The following PDE11A variants were observed in gnomAD, a reference collection of about 807,000 sequenced individuals.
PDE11A encodes dual 3',5'-cyclic-AMP and -GMP phosphodiesterase 11A.
PDE11A carries 100 observed loss-of-function variants against 100.5 expected under a neutral mutation model. That is an observed-to-expected ratio of 1.00 (90% CI 0.85 to 1.18). The LOEUF is 1.18. PDE11A is among the 50% of genes most tolerant of loss of function. PDE11A has a pLI of 0.00. For missense variants in PDE11A, 1,141 were observed against 1,152.6 expected, an observed-to-expected ratio of 0.99 and a Z score of 0.15; for synonymous variants, 381 against 420.8, an observed-to-expected ratio of 0.91 and a Z score of 1.16.
chr2:177,722,475 T>C (rs1173011838), intron 12 of PDE11A, among the ~76,000 whole-genome samples: 1 of 152,182 alleles, frequency 6.6e-6, no homozygotes, highest in Non-Finnish European at 1.5e-5. Flanking sequence ...TTCTTAATTA[T>C]GTGCAGCTTT....
intron 3 of PDE11A, among the ~76,000 whole-genome samples, chr2:177,900,586 T>C (rs1441744740): frequency 6.6e-6 from 1 of 152,256 alleles, no homozygotes; most frequent in East Asian, 1.9e-4. Flanking sequence ...TGAAACCCTG[T>C]CTCTACTAAA....
intron 1 of PDE11A, among the ~76,000 whole-genome samples, chr2:178,065,863 C>A (rs145745159): frequency 6.6e-6 from 1 of 152,078 alleles, no homozygotes; most frequent in African/African-American, 2.4e-5. Context: ...CCTCCTGAGG[C>A]AAACACTTTC....
At chr2:177,877,419 C>T (rs2084259038) in intron 4 of PDE11A, among the ~76,000 whole-genome samples, 1 of 152,142 alleles carries the variant, frequency 6.6e-6, no homozygotes, top group Admixed American at 6.6e-5. Context: ...CAAGCCTTGG[C>T]TTCCCAAAGT....
intron 2 of PDE11A, among the ~76,000 whole-genome samples, chr2:177,984,860 G>A (rs748130271): frequency 2.3e-4 from 35 of 152,290 alleles, no homozygotes; most frequent in South Asian, 6.2e-4. Context: ...CTCCCAGCTC[G>A]CCTTGTAGAG....
intron 10 of PDE11A, among the ~76,000 whole-genome samples, chr2:177,736,113 G>A (rs2081776285): frequency 6.6e-6 from 1 of 152,208 alleles, no homozygotes; most frequent in African/African-American, 2.4e-5. Context: ...TCGGTTGAGT[G>A]GGGTTCTGGG....
At chr2:177,870,937 C>T (rs181688060) in intron 5 of PDE11A, among the ~76,000 whole-genome samples, 8 of 152,130 alleles carry the variant, frequency 5.3e-5, no homozygotes, top group African/African-American at 1.7e-4. Flanking sequence ...GGAAATAGAA[C>T]CTCTTTTAGT....
chr2:177,720,991 A>G (rs1169217763), intron 12 of PDE11A, among the ~76,000 whole-genome samples: 1 of 152,166 alleles, frequency 6.6e-6, no homozygotes, highest in Non-Finnish European at 1.5e-5. Context: ...AAGGCAACAC[A>G]GTCCAGTACA....
At chr2:178,044,407 AT>A (rs1173584563) in intron 1 of PDE11A, among the ~76,000 whole-genome samples, 3 of 148,416 alleles carry the variant, frequency 2.0e-5, no homozygotes, top group African/African-American at 7.3e-5. Flanking sequence ...GTTTATATAT[AT>A]ATAAACTTTA....
chr2:177,758,148 T>A (rs997255781), intron 10 of PDE11A, among the ~76,000 whole-genome samples: 3 of 146,002 alleles, frequency 2.1e-5, no homozygotes, highest in Admixed American at 6.8e-5. Flanking sequence ...AAAAAAAAAA[T>A]TAGCCAGGCA....
At chr2:177,658,741 T>C (rs1156502159) in intron 19 of PDE11A, among the ~76,000 whole-genome samples, 9 of 150,758 alleles carry the variant, frequency 6.0e-5, no homozygotes, top group Non-Finnish European at 1.2e-4. Context: ...TTTTAATATC[T>C]GATGAAGTTG....
chr2:178,083,994 T>C (rs369757496), intron 2 of PDE11A, among the ~76,000 whole-genome samples: 31 of 152,340 alleles, frequency 2.0e-4, no homozygotes, highest in African/African-American at 7.5e-4. Context: ...CCAATAGCTA[T>C]ATAGATACGT....
chr2:177,675,387 G>A, intron 17 of PDE11A, 68 bp downstream of exon 17: 1 of 1,098,202 alleles, frequency 9.1e-7, no homozygotes, highest in Non-Finnish European at 1.4e-6. Flanking sequence ...AGGGCTCTGG[G>A]AATATTGTGT....
chr2:177,800,554 G>A (rs1436918249), intron 9 of PDE11A, among the ~76,000 whole-genome samples: 1 of 152,126 alleles, frequency 6.6e-6, no homozygotes, highest in Non-Finnish European at 1.5e-5. Context: ...GTATGCTGAG[G>A]ATTGAGATTC....
chr2:177,660,202 C>A (rs1370737838), intron 19 of PDE11A, among the ~76,000 whole-genome samples: 1 of 151,296 alleles, frequency 6.6e-6, no homozygotes, highest in Non-Finnish European at 1.5e-5. Context: ...AAGGAAAAGT[C>A]TGAAGATTAA....
At chr2:177,936,964 A>G (rs1357027449) in intron 2 of PDE11A, among the ~76,000 whole-genome samples, 1 of 152,098 alleles carries the variant, frequency 6.6e-6, no homozygotes, top group African/African-American at 2.4e-5. Context: ...AAATATTTAT[A>G]TTTTAATATC....
intron 9 of PDE11A, among the ~76,000 whole-genome samples, chr2:177,772,710 A>AT (rs1458811689): frequency 7.6e-6 from 1 of 131,090 alleles, no homozygotes; most frequent in Non-Finnish European, 1.6e-5. Flanking sequence ...CACTTCCTTT[A>AT]TTTAAAAAAA....
upstream of PDE11A, among the ~76,000 whole-genome samples, chr2:178,075,550 T>TAAAAAA (rs1425338464): frequency 2.8e-5 from 1 of 35,758 alleles, no homozygotes; most frequent in African/African-American, 1.3e-4. Flanking sequence ...AGACTCTGTC[T>TAAAAAA]CAAAAAAAAA....
chr2:177,654,040 A>C (rs1392886815), intron 19 of PDE11A, among the ~76,000 whole-genome samples: 3 of 152,336 alleles, frequency 2.0e-5, no homozygotes, highest in East Asian at 3.9e-4. Flanking sequence ...CAGAGTGTAT[A>C]TCTTTCTTTG....
chr2:178,098,513 C>T (rs2087522216), intron 2 of PDE11A, among the ~76,000 whole-genome samples: 3 of 152,092 alleles, frequency 2.0e-5, no homozygotes, highest in Admixed American at 2.0e-4. Flanking sequence ...AATATTTTGG[C>T]TTTCTCATCC....
Sources: allele counts gnomAD v4.1 joint callset (sites outside exome capture counted in the v4.1 genomes callset), GRCh38; gene constraint gnomAD v4.1.1; transcripts MANE v1.5; gene names NCBI Gene and HGNC (gene_info 2026-07-23, HGNC 2026-07-21).